The following ZNF79 variants were observed in gnomAD, a reference collection of about 807,000 sequenced individuals.
ZNF79 encodes the protein ZNFpT7.
Under a neutral mutation model 14.9 loss-of-function variants are expected in ZNF79, and 13 were observed. The ratio of observed to expected loss-of-function variants is 0.87; its 90% confidence interval spans 0.57 to 1.38. The LOEUF is 1.38. Ranked by LOEUF, ZNF79 falls within the 40% of genes most tolerant of loss-of-function variation. ZNF79 has a pLI of 0.00. For missense variants in ZNF79, 631 were observed against 630.6 expected (o/e 1.00, Z -0.01); for synonymous variants, 223 against 235.1 (o/e 0.95, Z 0.47).
At chr9:127,441,952 A>C (rs1251269343) in intron 4 of ZNF79, among the ~76,000 whole-genome samples, 2 of 151,298 alleles carry the variant, frequency 1.3e-5, no homozygotes, top group Non-Finnish European at 2.9e-5. Flanking sequence ...CTCAAAAAAA[A>C]AAAAAAAATA....
chr9:127,431,623 C>G (rs1833863714), intron 2 of ZNF79, among the ~76,000 whole-genome samples: 1 of 152,104 alleles, frequency 6.6e-6, no homozygotes, highest in Non-Finnish European at 1.5e-5. Context: ...GTTGCAATTG[C>G]TTTTGAGGAC....
chr9:127,429,017 T>A, intron 2 of ZNF79, 97 bp downstream of exon 2: 1 of 870,918 alleles, frequency 1.1e-6, no homozygotes, highest in Non-Finnish European at 1.7e-6. Context: ...TTGTTTTCTT[T>A]CTTTCTTTAT....
intron 4 of ZNF79, among the ~76,000 whole-genome samples, chr9:127,438,089 C>G (rs780002933): frequency 2.0e-5 from 3 of 152,058 alleles, no homozygotes; most frequent in South Asian, 4.2e-4. Context: ...TCTGCCCTTA[C>G]GCACAGCAGG....
chr9:127,425,106 G>A (rs1241624104), intron 1 of ZNF79, among the ~76,000 whole-genome samples: 1 of 152,184 alleles, frequency 6.6e-6, no homozygotes, highest in Non-Finnish European at 1.5e-5. Context: ...ACAGTGGAGA[G>A]TAGGGAGAAG....
In ZNF79 at chr9:127,424,465, C is replaced by T; in HGVS notation, c.-323C>T. On this transcript the variant is annotated 5_prime_UTR_variant, in exon 1 of 5. Transcript: ENST00000342483. ...AGCGGTTCTTGAGCTCTCGCGGTTG[C>T]CGGTAGATTGTTGCCAGTTGCCAGT... 5.9e-6 allele frequency: 2 copies of T among 341,188 alleles called. No homozygotes were observed. The highest frequency in any genetic ancestry group is 3.7e-5 in the South Asian group (1 of 26,872). 21.1% of individuals were successfully genotyped at this position (341,188 alleles called of 1,614,324 possible). A position where few individuals can be genotyped will look rare whatever the true frequency, so the allele number is the denominator to read the frequency against.
intron 4 of ZNF79, among the ~76,000 whole-genome samples, chr9:127,443,705 T>C (rs371133443): frequency 6.6e-6 from 1 of 151,902 alleles, no homozygotes; most frequent in African/African-American, 2.4e-5. Context: ...ATCGAGACTA[T>C]CCTGGCTAAC....
Position 127,444,063 on chromosome 9 carries a change from A to G in ZNF79, c.363A>G (p.Gln121=). 1 of 1,607,376 alleles carries G rather than the reference A, an allele frequency of 6.2e-7. No homozygotes were observed. The highest frequency in any genetic ancestry group is 1.1e-5 in the South Asian group (1 of 90,860). ...WKIISGSPPE[Q]ALSEASFQDP... is the part of the protein sequence containing the mutation. ...TTATATCTGGATCACCACCAGAGCA[A>G]GCCCTTTCTGAAGCTTCATTCCAAG... The change falls in exon 5 of 5, where the codon CAA becomes CAG. Residue 121 remains glutamine, a synonymous_variant. Coordinates refer to ENST00000342483, the MANE Select transcript of ZNF79 (RefSeq NM_007135.3).
At chr9:127,436,049 C>G (rs746595987) in intron 4 of ZNF79, 46 bp downstream of exon 4, 5 of 1,552,392 alleles carry the variant, frequency 3.2e-6, no homozygotes, top group Non-Finnish European at 4.4e-6. Flanking sequence ...GGAGCAAAAG[C>G]GCCTTTAAAT....
chr9:127,439,459 T>C (rs1276322443), intron 4 of ZNF79, among the ~76,000 whole-genome samples: 1 of 152,164 alleles, frequency 6.6e-6, no homozygotes, highest in Non-Finnish European at 1.5e-5. Context: ...CAGGGGCAAG[T>C]TTCCACTCTA....
intron 3 of ZNF79, among the ~76,000 whole-genome samples, 190 bp downstream of exon 3, chr9:127,435,406 A>G (rs1176060738): frequency 6.6e-6 from 1 of 152,080 alleles, no homozygotes; most frequent in Non-Finnish European, 1.5e-5. Flanking sequence ...GCTTTCTCTA[A>G]GGCTGCACCT....
chr9:127,430,890 T>C lies in ZNF79; in HGVS notation c.105+1970T>C, dbSNP rs573735947. On this transcript the variant is annotated intron_variant, in intron 2 of 4. Coordinates refer to ENST00000342483, the MANE Select transcript of ZNF79 (RefSeq NM_007135.3). Reference sequence around the variant, plus strand: ...AGTGACTGAACTAATTTAGTTAACTTTGCCATCAGCAGTGATAACCTTTCC... The same window carrying C: ...AGTGACTGAACTAATTTAGTTAACTCTGCCATCAGCAGTGATAACCTTTCC... Among the ~76,000 whole-genome samples the C allele has an allele frequency of 2.6e-5, 4 of 152,352 alleles. No individual in the cohort carries two copies. The South Asian group carries it at 8.3e-4, about 32-fold the overall frequency.
At chr9:127,435,364 A>C (rs892100694) in intron 3 of ZNF79, 148 bp downstream of exon 3, 1 of 985,848 alleles carries the variant, frequency 1.0e-6, no homozygotes, top group South Asian at 2.0e-5. Flanking sequence ...AGGTCTCTGC[A>C]TGCTCACTTG....
chr9:127,431,381 C>T (rs1833859251), intron 2 of ZNF79, among the ~76,000 whole-genome samples: 1 of 151,904 alleles, frequency 6.6e-6, no homozygotes, highest in African/African-American at 2.4e-5. Flanking sequence ...GCCTCAGCCT[C>T]CTGAGTAGCT....
chr9:127,442,075 C>T (rs1005974972), intron 4 of ZNF79, among the ~76,000 whole-genome samples: 1 of 151,906 alleles, frequency 6.6e-6, no homozygotes, highest in African/African-American at 2.4e-5. Flanking sequence ...TGAGATCACA[C>T]TATTGCACTC....
chr9:127,436,421 G>A (rs1833949106), intron 4 of ZNF79, among the ~76,000 whole-genome samples: 1 of 152,184 alleles, frequency 6.6e-6, no homozygotes, highest in South Asian at 2.1e-4. Flanking sequence ...ATGCCACTGG[G>A]TGTCACAGTT....
intron 4 of ZNF79, among the ~76,000 whole-genome samples, chr9:127,441,944 C>G (rs1415243265): frequency 9.3e-6 from 1 of 107,790 alleles, no homozygotes; most frequent in African/African-American, 3.4e-5. Flanking sequence ...GACTCCGTCT[C>G]AAAAAAAAAA....
chr9:127,436,244 C>T (rs570413911), intron 4 of ZNF79, among the ~76,000 whole-genome samples: 1 of 152,368 alleles, frequency 6.6e-6, no homozygotes, highest in South Asian at 2.1e-4. Flanking sequence ...TTCCTCACCT[C>T]ATCCTTATGG....
intron 2 of ZNF79, among the ~76,000 whole-genome samples, chr9:127,432,338 C>A (rs1337513485): frequency 1.3e-5 from 2 of 151,708 alleles, no homozygotes; most frequent in Non-Finnish European, 2.9e-5. Context: ...TTAGTAGAGA[C>A]AGGGTTTCAC....
chr9:127,424,732 A>G lies in ZNF79; in HGVS notation c.-56A>G, dbSNP rs1412702671. Reference sequence around the variant, plus strand: ...CAGAACGGGGTGGGGGCTGCTGTAGATAGACCCTTACGCCCAGAGAACTGC... The same window carrying G: ...CAGAACGGGGTGGGGGCTGCTGTAGGTAGACCCTTACGCCCAGAGAACTGC... On this transcript the variant is annotated 5_prime_UTR_variant, in exon 1 of 5. Transcript: ENST00000342483. 1.2e-6 allele frequency: 2 copies of G among 1,612,814 alleles called. No individual in the cohort carries two copies. Among genetic ancestry groups the G allele is most frequent in the South Asian group, 1.1e-5 (1 of 90,914 alleles).
Sources: gnomAD v4.1 joint callset for allele counts (sites outside exome capture counted in the v4.1 genomes callset) on GRCh38, gnomAD v4.1.1 for gene constraint, MANE v1.5 for transcripts, NCBI Gene and HGNC (gene_info 2026-07-23, HGNC 2026-07-21) for gene names.